The following RPS6KC1 variants were observed in gnomAD, a reference collection of about 807,000 sequenced individuals.
RPS6KC1 encodes ribosomal protein S6 kinase C1.
RPS6KC1 carries 54 observed loss-of-function variants against 103.8 expected under a neutral mutation model. The observed-to-expected ratio is 0.52, with a 90% CI of 0.42 to 0.65. The LOEUF is 0.65. RPS6KC1 is among the 30% of genes least tolerant of loss of function. The pLI, the probability that RPS6KC1 is intolerant of heterozygous loss-of-function variation, is 0.00. For missense variants in RPS6KC1, 1,151 were observed against 1,253.8 expected (o/e 0.92, Z 1.24); for synonymous variants, 439 against 438.7 (o/e 1.00, Z -0.01).
chr1:213,432,381 C>A, the RPS6KC1 span, among the ~76,000 whole-genome samples: 1 of 152,132 alleles, frequency 6.6e-6, no homozygotes, highest in Non-Finnish European at 1.5e-5. Context: ...TAAATATATT[C>A]TCTTATTTTT....
the RPS6KC1 span, among the ~76,000 whole-genome samples, chr1:213,483,287 A>G: frequency 0.16 from 24,699 of 152,146 alleles, 2,584 homozygotes; most frequent in East Asian, 0.28. Flanking sequence ...GGTCCCTCCC[A>G]TGACGTGGGG....
At chr1:213,816,846 A>T in the RPS6KC1 span, among the ~76,000 whole-genome samples, 5 of 152,134 alleles carry the variant, frequency 3.3e-5, no homozygotes, top group Non-Finnish European at 7.3e-5. Context: ...TCAAATGAGG[A>T]TGTTAATTTT....
the RPS6KC1 span, among the ~76,000 whole-genome samples, chr1:213,824,783 C>T: frequency 1.3e-5 from 2 of 152,210 alleles, no homozygotes; most frequent in Non-Finnish European, 2.9e-5. Flanking sequence ...CCCAGCCACA[C>T]GGAACTACAA....
chr1:213,331,933 C>A, the RPS6KC1 span, among the ~76,000 whole-genome samples: 1 of 151,274 alleles, frequency 6.6e-6, no homozygotes, highest in Non-Finnish European at 1.5e-5. Flanking sequence ...TTTTGTGGAT[C>A]TTCCCCTTCT....
At chr1:213,124,418 T>G (rs116363919) in intron 5 of RPS6KC1, among the ~76,000 whole-genome samples, 170 of 152,290 alleles carry the variant, frequency 1.1e-3, no homozygotes, top group Non-Finnish European at 2.2e-3. Flanking sequence ...CTACCTAGAC[T>G]GAGAACCTGT....
the RPS6KC1 span, among the ~76,000 whole-genome samples, chr1:213,833,849 T>A: frequency 6.6e-6 from 1 of 152,252 alleles, no homozygotes; most frequent in South Asian, 2.1e-4. Context: ...GGTGGAAAAC[T>A]TTTGAGTCTC....
chr1:213,591,498 C>A, the RPS6KC1 span, among the ~76,000 whole-genome samples: 13 of 152,188 alleles, frequency 8.5e-5, no homozygotes, highest in Admixed American at 8.5e-4. Context: ...CACATTATCC[C>A]ACTTCACCAA....
the RPS6KC1 span, chr1:213,819,137 A>G: frequency 6.6e-6 from 1 of 152,140 alleles, no homozygotes; most frequent in Admixed American, 6.5e-5. Flanking sequence ...TTACAAATGA[A>G]AAAAATAGAG....
chr1:213,674,175 C>A, the RPS6KC1 span, among the ~76,000 whole-genome samples: 3 of 152,118 alleles, frequency 2.0e-5, no homozygotes, highest in East Asian at 5.8e-4. Flanking sequence ...CATGCCACCA[C>A]GCCTGGCTAC....
At chr1:213,155,812 G>C (rs781271409) in intron 6 of RPS6KC1, among the ~76,000 whole-genome samples, 6 of 152,102 alleles carry the variant, frequency 3.9e-5, no homozygotes, top group Non-Finnish European at 7.4e-5. Context: ...GCTTGGGGAT[G>C]ATTGGTGGAG....
At chr1:213,351,977 T>C in the RPS6KC1 span, among the ~76,000 whole-genome samples, 1 of 152,046 alleles carries the variant, frequency 6.6e-6, no homozygotes. Context: ...GGATTTTTTT[T>C]TCTTTTTTTC....
At chr1:213,676,916 T>C in the RPS6KC1 span, among the ~76,000 whole-genome samples, 3 of 152,230 alleles carry the variant, frequency 2.0e-5, no homozygotes, top group Non-Finnish European at 4.4e-5. Flanking sequence ...CTTTCAATCA[T>C]AGGCTCTGCT....
At chr1:213,541,433 G>C in the RPS6KC1 span, among the ~76,000 whole-genome samples, 1 of 152,068 alleles carries the variant, frequency 6.6e-6, no homozygotes, top group African/African-American at 2.4e-5. Flanking sequence ...CAATACACTT[G>C]CCCAATGCAG....
At chr1:213,827,661 C>A in the RPS6KC1 span, among the ~76,000 whole-genome samples, 2 of 152,126 alleles carry the variant, frequency 1.3e-5, no homozygotes, top group African/African-American at 4.8e-5. Context: ...GAATCACCAT[C>A]TAGAAAATGG....
chr1:213,590,836 C>T, the RPS6KC1 span, among the ~76,000 whole-genome samples: 1 of 152,164 alleles, frequency 6.6e-6, no homozygotes, highest in African/African-American at 2.4e-5. Context: ...AGTGTCCACA[C>T]AGTCTACTCC....
intron 6 of RPS6KC1, among the ~76,000 whole-genome samples, chr1:213,156,537 T>C (rs901234160): frequency 6.6e-6 from 1 of 152,178 alleles, no homozygotes; most frequent in African/African-American, 2.4e-5. Flanking sequence ...AGGCACATGA[T>C]AATCAAATTG....
chr1:213,845,584 A>G, the RPS6KC1 span, among the ~76,000 whole-genome samples: 1 of 152,218 alleles, frequency 6.6e-6, no homozygotes, highest in Non-Finnish European at 1.5e-5. Flanking sequence ...ATAAGTTAAT[A>G]CTATGTAACA....
the RPS6KC1 span, among the ~76,000 whole-genome samples, chr1:213,676,925 C>A: frequency 2.0e-5 from 3 of 152,198 alleles, no homozygotes; most frequent in Admixed American, 2.0e-4. Context: ...ATAGGCTCTG[C>A]TGAGGGAGAC....
At chr1:213,318,882 A>C in the RPS6KC1 span, among the ~76,000 whole-genome samples, 1 of 152,242 alleles carries the variant, frequency 6.6e-6, no homozygotes, top group Non-Finnish European at 1.5e-5. Context: ...GTCAGTGTCC[A>C]TAGTAGGGAT....
Sources: gnomAD v4.1 joint callset for allele counts (sites outside exome capture counted in the v4.1 genomes callset) on GRCh38, gnomAD v4.1.1 for gene constraint, MANE v1.5 for transcripts, NCBI Gene and HGNC (gene_info 2026-07-23, HGNC 2026-07-21) for gene names.